Variants in LNPEP observed in about 807,000 individuals in gnomAD.
The protein encoded by LNPEP is leucyl and cystinyl aminopeptidase.
A neutral mutation model predicts 120.6 loss-of-function variants in LNPEP; 64 were observed. That is an observed-to-expected ratio of 0.53 (90% CI 0.43 to 0.65). The LOEUF (loss-of-function observed/expected upper bound fraction) is 0.65, where lower values mean the gene tolerates loss of function less well. Ranked by LOEUF, LNPEP falls within the 30% of genes least tolerant of loss-of-function variation. The pLI, the probability that LNPEP is intolerant of heterozygous loss-of-function variation, is 0.00. For missense variants in LNPEP, 1,057 were observed against 1,200.0 expected, an observed-to-expected ratio of 0.88 and a Z score of 1.76; for synonymous variants, 435 against 425.4, an observed-to-expected ratio of 1.02 and a Z score of -0.28.
intron 1 of LNPEP, chr5:96,936,391 GCGC>G: frequency 6.2e-6 from 2 of 325,012 alleles, no homozygotes; most frequent in Non-Finnish European, 1.1e-5. Context: ...TTGAAGGTCA[GCGC>G]CGCCGCCGCT....
chr5:96,985,763 T>TC (rs1042436738), intron 3 of LNPEP, among the ~76,000 whole-genome samples: 3 of 151,786 alleles, frequency 2.0e-5, no homozygotes, highest in Non-Finnish European at 4.4e-5. Context: ...TTTTTGTTTT[T>TC]TTTTTTTTGG....
chr5:96,983,892 C>G (rs1790182992), intron 2 of LNPEP, among the ~76,000 whole-genome samples: 1 of 152,138 alleles, frequency 6.6e-6, no homozygotes, highest in Admixed American at 6.6e-5. Context: ...CATGAAAATG[C>G]AAGCTGTGAA....
chr5:96,987,971 T>G (rs1246752253), intron 4 of LNPEP, among the ~76,000 whole-genome samples: 1 of 152,204 alleles, frequency 6.6e-6, no homozygotes, highest in African/African-American at 2.4e-5. Flanking sequence ...CCATGAAGCA[T>G]TTCTTTCTTT....
chr5:97,003,384 C>CT, intron 8 of LNPEP, 31 bp from the exon 9 acceptor site: 1 of 1,258,272 alleles, frequency 7.9e-7, no homozygotes. Flanking sequence ...CTATTATTTT[C>CT]TTTCTTTTTC....
In LNPEP at chr5:97,006,408, C is replaced by G. The variant is rs199893053; in HGVS notation, c.1947-19C>G. Reference sequence around the variant, plus strand: ...AAAAAATCATATGTAACTAATTTTCCAATGTTTTCTCTTTACAGCTACCTG... The same window carrying G: ...AAAAAATCATATGTAACTAATTTTCGAATGTTTTCTCTTTACAGCTACCTG... On this transcript the variant is annotated intron_variant, in intron 10 of 17. Transcript: ENST00000231368. The G allele has an allele frequency of 3.4e-6, 5 of 1,457,814 alleles. No homozygotes were observed. In the East Asian group the frequency reaches 6.8e-5, roughly 20 times the overall value. The allele number at this position is 1,457,814 out of a possible 1,614,324, so 90.3% of individuals were successfully genotyped here.
At position 96,979,688 on chromosome 5, in the gene LNPEP, C is replaced by T; in HGVS notation, c.570C>T (p.Phe190=). 1.2e-6 allele frequency: 2 copies of T among 1,614,054 alleles called. No individual in the cohort carries two copies. The highest frequency in any genetic ancestry group is 1.7e-6 in the Non-Finnish European group (2 of 1,179,946). The change falls in exon 2 of 18, where the codon TTC becomes TTT. Residue 190 remains phenylalanine, a synonymous_variant. Coordinates refer to ENST00000231368, the MANE Select transcript of LNPEP (RefSeq NM_005575.3). The part of the protein sequence containing the change: ...SLHPNLTSMT[F]RGSVTISVQA... ...ACCCGAACCTAACCTCGATGACATT[C>T]AGGGGTTCTGTGACAATTTCAGTTC...
intron 1 of LNPEP, among the ~76,000 whole-genome samples, chr5:96,944,019 G>T (rs1046198635): frequency 7.2e-5 from 11 of 152,172 alleles, no homozygotes; most frequent in African/African-American, 2.4e-4. Context: ...AGTGAGAAAA[G>T]GATGCCTCTA....
In LNPEP at chr5:97,036,052, A is replaced by T. The variant is rs571880379; in HGVS notation, c.*7519A>T. The T allele has an allele frequency of 6.6e-6, 1 of 152,332 alleles. No homozygotes were observed. The highest frequency in any genetic ancestry group is 1.9e-4 in the East Asian group (1 of 5,184). 9.4% of individuals were successfully genotyped at this position (152,332 alleles called of 1,614,324 possible). ...TGATAAGCCAATAAGAGTGCTGTCT[A>T]GAACGCATTTGCAAACCGTTAAGAG... On this transcript the variant is annotated 3_prime_UTR_variant, in exon 18 of 18. Transcript: ENST00000231368.
chr5:96,994,049 C>A (rs1790452175), intron 6 of LNPEP, 78 bp downstream of exon 6: 3 of 1,150,890 alleles, frequency 2.6e-6, no homozygotes, highest in Non-Finnish European at 3.6e-6. Context: ...CATTTAGATG[C>A]TAATAATTCT....
rs1791432744 is a variant in LNPEP at position 97,029,689 on chromosome 5, T to G, written c.*1156T>G. The G allele has an allele frequency of 6.6e-6, 1 of 152,158 alleles. No homozygotes were observed. The highest frequency in any genetic ancestry group is 6.5e-5 in the Admixed American group (1 of 15,272). The allele number at this position is 152,158 out of a possible 1,614,324, so 9.4% of individuals were successfully genotyped here. On this transcript the variant is annotated 3_prime_UTR_variant, in exon 18 of 18. Coordinates refer to ENST00000231368, the MANE Select transcript of LNPEP (RefSeq NM_005575.3). ...TGTTTAGTATGGTGGGCTTTGAATT[T>G]TTTTCACTATCAAAAATAGTGCTTT...
intron 4 of LNPEP, among the ~76,000 whole-genome samples, chr5:96,991,220 G>A (rs1790382217): frequency 6.6e-6 from 1 of 152,158 alleles, no homozygotes; most frequent in South Asian, 2.1e-4. Flanking sequence ...ATTCCATCCA[G>A]GTTGCTGCGA....
chr5:96,962,126 T>G (rs747587438), intron 1 of LNPEP, among the ~76,000 whole-genome samples: 9 of 152,198 alleles, frequency 5.9e-5, no homozygotes, highest in Non-Finnish European at 1.0e-4. Flanking sequence ...CATGCAACTC[T>G]TTAGTTGTGA....
At chr5:96,950,943 T>A (rs1789305820) in intron 1 of LNPEP, among the ~76,000 whole-genome samples, 1 of 152,198 alleles carries the variant, frequency 6.6e-6, no homozygotes, top group South Asian at 2.1e-4. Context: ...TAATACAGAC[T>A]GGGTGGCTTC....
chr5:96,999,758 A>G (rs531008278), intron 8 of LNPEP, among the ~76,000 whole-genome samples: 1 of 152,020 alleles, frequency 6.6e-6, no homozygotes, highest in Admixed American at 6.6e-5. Context: ...ATCATTGTCA[A>G]CCCCTGTCAA....
At chr5:96,963,580 A>G (rs1789656941) in intron 1 of LNPEP, among the ~76,000 whole-genome samples, 1 of 152,154 alleles carries the variant, frequency 6.6e-6, no homozygotes, top group Non-Finnish European at 1.5e-5. Context: ...TAAAAGATAA[A>G]TGTTGAAAGC....
intron 8 of LNPEP, among the ~76,000 whole-genome samples, chr5:96,998,733 C>T (rs1790576530): frequency 6.6e-6 from 1 of 152,096 alleles, no homozygotes; most frequent in Non-Finnish European, 1.5e-5. Context: ...GAAGAAAATA[C>T]ACAAAATGTG....
intron 4 of LNPEP, 81 bp from the exon 5 acceptor site, chr5:96,992,934 G>A (rs946929348): frequency 5.2e-6 from 5 of 966,188 alleles, no homozygotes; most frequent in Non-Finnish European, 7.6e-6. Flanking sequence ...TTTCAGATAT[G>A]CTAGTCTTGA....
In LNPEP at chr5:96,979,359, T is replaced by G; in HGVS notation, c.241T>G (p.Phe81Val). The change falls in exon 2 of 18, where the codon TTC becomes GTC. Residue 81 changes from phenylalanine (F) to valine (V), a missense_variant. Phe to Val is a conservative substitution (Grantham distance 50). Transcript: ENST00000231368. Reference protein sequence around the residue: ...ESSAKLLGMSFMNRSSGLRNS... With the variant: ...ESSAKLLGMSVMNRSSGLRNS... ...ATCAGCAAAGCTGCTGGGCATGTCC[T>G]TCATGAATAGAAGCTCAGGCCTTCG... is the stretch of plus-strand genomic sequence containing the variant. 1 of 1,614,062 alleles carries G rather than the reference T, an allele frequency of 6.2e-7. No individual in the cohort carries two copies. The highest frequency in any genetic ancestry group is 8.5e-7 in the Non-Finnish European group (1 of 1,179,960).
chr5:96,953,674 A>G (rs1306723830), intron 1 of LNPEP, among the ~76,000 whole-genome samples: 1 of 152,160 alleles, frequency 6.6e-6, no homozygotes, highest in East Asian at 1.9e-4. Context: ...TAGGATTTTC[A>G]TGTGTTATCT....
Sources: gnomAD v4.1 joint callset for allele counts (sites outside exome capture counted in the v4.1 genomes callset) on GRCh38, gnomAD v4.1.1 for gene constraint, MANE v1.5 for transcripts, NCBI Gene and HGNC (gene_info 2026-07-23, HGNC 2026-07-21) for gene names.